The following CYP19A1 variants were observed in gnomAD, a reference collection of about 807,000 sequenced individuals.
The protein encoded by CYP19A1 is cytochrome P450 family 19 subfamily A member 1, also known as aromatase.
In CYP19A1, 32 loss-of-function variants were observed where a neutral mutation model predicts 44.4. The ratio of observed to expected loss-of-function variants is 0.72; its 90% CI spans 0.54 to 0.97. The LOEUF is 0.97. Among genes scored for constraint, CYP19A1 ranks in the 50% least tolerant of loss-of-function variants. CYP19A1 has a pLI of 0.00. For synonymous variants in CYP19A1, 212 were observed against 215.6 expected, an observed-to-expected ratio of 0.98 and a Z score of 0.14; for missense variants, 598 against 637.8, an observed-to-expected ratio of 0.94 and a Z score of 0.67.
At chr15:51,220,994 T>A (rs2141058080) in intron 5 of CYP19A1, among the ~76,000 whole-genome samples, 1 of 151,348 alleles carries the variant, frequency 6.6e-6, no homozygotes, top group East Asian at 1.9e-4. Flanking sequence ...TTTTCATCAG[T>A]AGAGTGATTT....
At position 51,218,628 on chromosome 15, in the gene CYP19A1, C is replaced by T; in HGVS notation, c.656G>A (p.Gly219Asp). The change falls in exon 6 of 10, where the codon GGT (glycine) becomes GAT (aspartate). Residue 219 changes from glycine to aspartate, a missense_variant. Transcript: ENST00000396402. ...GAGAGCTTGCCATGCATCAAAATAA[C>T]CTTGGATTTTAACCACGATAGCACT... ...DESAIVVKIQ[G>D]YFDAWQALLI... 6.2e-7 allele frequency: 1 copy of T among 1,613,596 alleles called. No individual in the cohort carries two copies. Among genetic ancestry groups the T allele is most frequent in the Non-Finnish European group, 8.5e-7 (1 of 1,179,834 alleles).
intron 1 of CYP19A1, among the ~76,000 whole-genome samples, chr15:51,285,601 G>A (rs2035671258): frequency 6.6e-6 from 1 of 152,192 alleles, no homozygotes; most frequent in Admixed American, 6.5e-5. Context: ...GTCTAGACTT[G>A]CTGGCTCCTT....
At chr15:51,265,952 G>T (rs1274272999) in intron 1 of CYP19A1, among the ~76,000 whole-genome samples, 1 of 152,318 alleles carries the variant, frequency 6.6e-6, no homozygotes, top group Middle Eastern at 3.4e-3. Flanking sequence ...GGATATGCCT[G>T]GTCTGGATAA....
chr15:51,327,748 C>T (rs939684160), intron 1 of CYP19A1, among the ~76,000 whole-genome samples: 1 of 151,978 alleles, frequency 6.6e-6, no homozygotes, highest in South Asian at 2.1e-4. Flanking sequence ...CACAAGACTC[C>T]GTCTCAGAAA....
chr15:51,289,080 A>G (rs770613824), intron 1 of CYP19A1, among the ~76,000 whole-genome samples: 8 of 152,166 alleles, frequency 5.3e-5, no homozygotes, highest in Non-Finnish European at 1.0e-4. Flanking sequence ...GGTTAGTTAC[A>G]TTCTTTGTGG....
At chr15:51,261,052 G>A (rs1566900561) in intron 1 of CYP19A1, among the ~76,000 whole-genome samples, 1 of 152,214 alleles carries the variant, frequency 6.6e-6, no homozygotes, top group East Asian at 1.9e-4. Context: ...CTGACCTTCT[G>A]ATCCAGCGAG....
At chr15:51,240,022 G>T (rs912070828) in intron 2 of CYP19A1, among the ~76,000 whole-genome samples, 1 of 151,940 alleles carries the variant, frequency 6.6e-6, no homozygotes, top group Non-Finnish European at 1.5e-5. Context: ...TGGTCTGGGA[G>T]CAATTTTTCA....
intron 1 of CYP19A1, among the ~76,000 whole-genome samples, chr15:51,249,097 G>A (rs940690941): frequency 1.3e-5 from 2 of 151,870 alleles, no homozygotes; most frequent in Admixed American, 6.6e-5. Context: ...CCACTACCAC[G>A]CCCGTCCAAT....
chr15:51,236,872 G>C lies in CYP19A1; in HGVS notation c.283C>G (p.Leu95Val). 1 of 1,614,166 alleles carries C rather than the reference G, an allele frequency of 6.2e-7. No individual in the cohort carries two copies. The highest frequency in any genetic ancestry group is 8.5e-7 in the Non-Finnish European group (1 of 1,180,010). Residue 95 changes from leucine to valine, a missense_variant, in exon 3 of 10, where the codon CTC becomes GTC. Leu to Val is a conservative substitution (Grantham distance 32). Coordinates refer to ENST00000396402, the MANE Select transcript of CYP19A1 (RefSeq NM_000103.4). ...GAACAGACTCACTTGCTGATAATGA[G>C]TGTTTCCTCTCCAGAGATCCAGACT... is the stretch of plus-strand genomic sequence containing the variant. ...MRVWISGEET[L>V]IISKSSSMFH...
chr15:51,218,775 A>T, intron 5 of CYP19A1, 120 bp from the exon 6 acceptor site: 1 of 1,508,944 alleles, frequency 6.6e-7, no homozygotes, highest in Non-Finnish European at 8.9e-7. Context: ...TGGGGGTTCT[A>T]AGCTCAGCAA....
rs1287757971 is a variant in CYP19A1, at chr15:51,227,838, C to T, written c.392G>A (p.Gly131Asp). Residue 131 changes from glycine to aspartate, a missense_variant, in exon 4 of 10, where the codon GGC (glycine) becomes GAC (aspartate). By Grantham distance (94) the Gly-to-Asp change is moderately conservative. Transcript: ENST00000396402. ...GLQCIGMHEKGIIFNNNPELW... is the reference protein window; with the variant it reads ...GLQCIGMHEKDIIFNNNPELW... ...CTCTGGATTGTTGTTAAATATGATG[C>T]CTTTCTCATGCATACCGATGCACTG... 3.9e-6 allele frequency: 6 copies of T among 1,530,950 alleles called. No individual in the cohort carries two copies. The highest frequency in any genetic ancestry group is 1.7e-4 in the Middle Eastern group (1 of 5,914). The allele number at this position is 1,530,950 out of a possible 1,614,324, so 94.8% of individuals were successfully genotyped here. A position where few individuals can be genotyped will look rare whatever the true frequency, so the allele number is the denominator to read the frequency against.
chr15:51,258,814 C>A (rs929081482), intron 1 of CYP19A1, among the ~76,000 whole-genome samples: 1 of 152,134 alleles, frequency 6.6e-6, no homozygotes, highest in Non-Finnish European at 1.5e-5. Context: ...GAAGACTTTT[C>A]TTTTTAACAT....
At chr15:51,245,944 G>A (rs2034034656) in intron 1 of CYP19A1, among the ~76,000 whole-genome samples, 1 of 152,192 alleles carries the variant, frequency 6.6e-6, no homozygotes. Context: ...TCTTTATCAT[G>A]CCATTTTGCT....
Position 51,274,009 on chromosome 15 carries a change from A to T in CYP19A1, c.-38-31059T>A, listed in dbSNP as rs915065034. 2.7e-4 allele frequency among the ~76,000 whole-genome samples: 39 copies of T among 145,944 alleles called. No individual in the cohort carries two copies. The East Asian group carries it at 6.2e-3, about 23-fold the overall frequency. On this transcript the variant is annotated intron_variant, in intron 1 of 9. Coordinates refer to ENST00000396402, the MANE Select transcript of CYP19A1 (RefSeq NM_000103.4). ...GCCACAGAGTGAAATTTTGTCACAC[A>T]CACACACACACACACACAAAAGACA...
intron 2 of CYP19A1, among the ~76,000 whole-genome samples, chr15:51,237,862 G>A (rs1380941854): frequency 6.6e-6 from 1 of 152,208 alleles, no homozygotes; most frequent in East Asian, 1.9e-4. Flanking sequence ...AGATTAAAAA[G>A]TTTTAGAATG....
intron 1 of CYP19A1, among the ~76,000 whole-genome samples, chr15:51,331,295 G>C (rs935563141): frequency 6.6e-6 from 1 of 152,238 alleles, no homozygotes; most frequent in South Asian, 2.1e-4. Context: ...GCTGCCCCTG[G>C]AGAGCTGGAG....
intron 1 of CYP19A1, among the ~76,000 whole-genome samples, chr15:51,327,049 C>A (rs1595787456): frequency 6.6e-6 from 1 of 152,198 alleles, no homozygotes; most frequent in Admixed American, 6.5e-5. Flanking sequence ...ACTCTGCATG[C>A]ACCACTAATC....
chr15:51,308,566 T>G (rs964719964), intron 1 of CYP19A1, among the ~76,000 whole-genome samples: 7 of 152,072 alleles, frequency 4.6e-5, no homozygotes, highest in African/African-American at 1.7e-4. Context: ...AGTGGTAAGG[T>G]CTCCTTTCCC....
chr15:51,326,539 A>G (rs1382199410), intron 1 of CYP19A1, among the ~76,000 whole-genome samples: 2 of 152,212 alleles, frequency 1.3e-5, no homozygotes, highest in Non-Finnish European at 2.9e-5. Flanking sequence ...AATTTTCTTT[A>G]TCAGATTTGT....
Sources: allele counts gnomAD v4.1 joint callset (sites outside exome capture counted in the v4.1 genomes callset), GRCh38; gene constraint gnomAD v4.1.1; transcripts MANE v1.5; gene names NCBI Gene and HGNC (gene_info 2026-07-23, HGNC 2026-07-21).